Variants in TRPC4 observed in about 807,000 individuals in gnomAD.
The protein encoded by TRPC4 is short transient receptor potential channel 4.
In TRPC4, 49 loss-of-function variants were observed where a neutral mutation model predicts 99.4. The ratio of observed to expected loss-of-function variants is 0.49; its 90% confidence interval spans 0.39 to 0.63. The LOEUF is 0.63. TRPC4 is among the 20% of genes least tolerant of loss of function. The pLI is 0.00. For synonymous variants in TRPC4, 454 were observed against 425.9 expected (o/e 1.07, Z -0.81); for missense variants, 898 against 1,152.9 (o/e 0.78, Z 3.20).
At chr13:37,727,174 G>A (rs1481212727) in intron 3 of TRPC4, among the ~76,000 whole-genome samples, 13 of 151,960 alleles carry the variant, frequency 8.6e-5, no homozygotes, top group African/African-American at 2.7e-4. Context: ...GGTAGACCAC[G>A]TGTTAGGTCA....
At chr13:37,831,851 G>A (rs1332613250) in intron 1 of TRPC4, among the ~76,000 whole-genome samples, 1 of 152,146 alleles carries the variant, frequency 6.6e-6, no homozygotes, top group African/African-American at 2.4e-5. Context: ...CAGAGAAGTA[G>A]AGAGTAGAAT....
chr13:37,653,402 A>G (rs1272257751), intron 7 of TRPC4, among the ~76,000 whole-genome samples: 1 of 151,200 alleles, frequency 6.6e-6, no homozygotes, highest in East Asian at 1.9e-4. Flanking sequence ...AGAAAAAGAA[A>G]GAAAGAGGAA....
At chr13:37,698,742 G>A (rs945633590) in intron 3 of TRPC4, among the ~76,000 whole-genome samples, 5 of 152,086 alleles carry the variant, frequency 3.3e-5, no homozygotes, top group African/African-American at 7.2e-5. Context: ...TGGAAAAGCC[G>A]AACACAGTGT....
chr13:37,793,252 T>C (rs1957167053), intron 1 of TRPC4, among the ~76,000 whole-genome samples: 1 of 152,128 alleles, frequency 6.6e-6, no homozygotes, highest in Non-Finnish European at 1.5e-5. Flanking sequence ...GAAATGACTG[T>C]GGAAGGCACC....
intron 1 of TRPC4, among the ~76,000 whole-genome samples, chr13:37,812,459 T>C (rs1227721106): frequency 6.6e-6 from 1 of 152,030 alleles, no homozygotes; most frequent in Non-Finnish European, 1.5e-5. Context: ...CTTAAAAGTT[T>C]ATTAATGATA....
chr13:37,715,141 C>T (rs576309895), intron 3 of TRPC4, among the ~76,000 whole-genome samples: 47 of 152,294 alleles, frequency 3.1e-4, no homozygotes, highest in African/African-American at 1.1e-3. Flanking sequence ...AAGCACTTGT[C>T]TAGGACCACC....
At chr13:37,867,153 A>T (rs1273925856) in intron 1 of TRPC4, among the ~76,000 whole-genome samples, 1 of 151,970 alleles carries the variant, frequency 6.6e-6, no homozygotes, top group Non-Finnish European at 1.5e-5. Context: ...TCATATTTTC[A>T]TAAAATATTC....
chr13:37,782,940 G>T lies in TRPC4; in HGVS notation c.378+16C>A. 1 of 1,411,422 alleles carries T rather than the reference G, an allele frequency of 7.1e-7. No individual in the cohort carries two copies. 87.4% of individuals were successfully genotyped at this position (1,411,422 alleles called of 1,614,324 possible). On this transcript the variant is annotated intron_variant, in intron 2 of 10. Transcript: ENST00000379705. The stretch of plus-strand genomic sequence containing the variant: ...CTGCAGGTAAAATAAATTAAAAACT[G>T]TATTTTTGCAGGTACCTGTTTTTCT...
At chr13:37,818,752 G>A (rs1460396074) in intron 1 of TRPC4, among the ~76,000 whole-genome samples, 1 of 152,068 alleles carries the variant, frequency 6.6e-6, no homozygotes, top group Non-Finnish European at 1.5e-5. Context: ...GTTGAACAAT[G>A]AGAACACATG....
intron 3 of TRPC4, among the ~76,000 whole-genome samples, chr13:37,737,290 T>C (rs2139114168): frequency 6.6e-6 from 1 of 151,818 alleles, no homozygotes; most frequent in East Asian, 1.9e-4. Flanking sequence ...CATGAGCAAA[T>C]ATGCCAGGAA....
chr13:37,740,844 A>C (rs911466912), intron 3 of TRPC4, among the ~76,000 whole-genome samples: 2 of 152,194 alleles, frequency 1.3e-5, no homozygotes, highest in African/African-American at 4.8e-5. Context: ...GATTGACATG[A>C]ATCTCTTCAC....
chr13:37,663,360 G>T (rs1952518773), intron 6 of TRPC4, 56 bp downstream of exon 6: 1 of 1,495,876 alleles, frequency 6.7e-7, no homozygotes, highest in Non-Finnish European at 9.0e-7. Context: ...AGTTTGTGAT[G>T]TGGTGCACTC....
chr13:37,819,536 T>A (rs1321312486), intron 1 of TRPC4, among the ~76,000 whole-genome samples: 1 of 152,022 alleles, frequency 6.6e-6, no homozygotes, highest in Non-Finnish European at 1.5e-5. Flanking sequence ...TGGATGGGGC[T>A]GGAGGCCATT....
At position 37,746,177 on chromosome 13, in the gene TRPC4, T is replaced by G. The variant is rs1467326340; in HGVS notation, c.657A>C (p.Thr219=). Residue 219 remains threonine, a synonymous_variant, in exon 3 of 11, where the codon ACA becomes ACC. Transcript: ENST00000379705. ...IALSSEDPFL[T]AFQLSWELQE... The stretch of plus-strand genomic sequence containing the variant: ...GAAGTTCCCAACTTAACTGAAAGGC[T>G]GTGAGAAAAGGATCTTCGCTTGACA... The G allele has an allele frequency of 1.2e-6, 2 of 1,613,878 alleles. No homozygotes were observed. Among genetic ancestry groups the G allele is most frequent in the Non-Finnish European group, 1.7e-6 (2 of 1,179,878 alleles).
At chr13:37,802,518 G>T (rs1026173434) in intron 1 of TRPC4, among the ~76,000 whole-genome samples, 1 of 152,198 alleles carries the variant, frequency 6.6e-6, no homozygotes, top group South Asian at 2.1e-4. Context: ...CTGAGGTTAT[G>T]GATTTGGAGA....
intron 2 of TRPC4, among the ~76,000 whole-genome samples, chr13:37,769,436 T>C (rs937474680): frequency 2.0e-5 from 3 of 151,558 alleles, no homozygotes; most frequent in Non-Finnish European, 4.4e-5. Context: ...GGAACCTGTA[T>C]ATTATTCTAT....
chr13:37,652,548 C>A (rs992817655), intron 7 of TRPC4, among the ~76,000 whole-genome samples: 2 of 152,166 alleles, frequency 1.3e-5, no homozygotes, highest in Admixed American at 1.3e-4. Context: ...CCACATAAAT[C>A]GGAACACAGA....
Position 37,634,496 on chromosome 13 carries a change from C to T in TRPC4, c.*2407G>A, listed in dbSNP as rs1215264499. Among the ~76,000 whole-genome samples, 1 of 152,064 alleles carries T rather than the reference C, an allele frequency of 6.6e-6. No individual in the cohort carries two copies. Among genetic ancestry groups the T allele is most frequent in the East Asian group, 1.9e-4 (1 of 5,182 alleles). On this transcript the variant is annotated 3_prime_UTR_variant, in exon 11 of 11. Transcript: ENST00000379705. ...AGGAGGGTCTTACTTGCTCCAAATA[C>T]ATTCCTCTATTACCATCATGTCCCC...
chr13:37,750,864 G>A (rs1566143278), intron 2 of TRPC4, among the ~76,000 whole-genome samples: 1 of 151,774 alleles, frequency 6.6e-6, no homozygotes, highest in Non-Finnish European at 1.5e-5. Context: ...TGTTCTCATT[G>A]TTCAACTCCC....
Sources: gnomAD v4.1 joint callset for allele counts (sites outside exome capture counted in the v4.1 genomes callset) on GRCh38, gnomAD v4.1.1 for gene constraint, MANE v1.5 for transcripts, NCBI Gene and HGNC (gene_info 2026-07-23, HGNC 2026-07-21) for gene names.